CIB2: variants seen among roughly 807,000 people sequenced by gnomAD.
CIB2 encodes calcium and integrin-binding family member 2.
CIB2 carries 19 observed loss-of-function variants against 23.1 expected under a neutral mutation model. That is an observed-to-expected ratio of 0.82 (90% CI 0.57 to 1.21). The LOEUF (loss-of-function observed/expected upper bound fraction) is 1.21. CIB2 is among the 50% of genes most tolerant of loss of function. The pLI is 0.00. For synonymous variants in CIB2, 94 were observed against 91.7 expected (o/e 1.03, Z -0.14); for missense variants, 220 against 241.5 (o/e 0.91, Z 0.59).
chr15:78,121,622 G>A (rs2074320428), intron 2 of CIB2, among the ~76,000 whole-genome samples: 1 of 152,108 alleles, frequency 6.6e-6, no homozygotes, highest in Admixed American at 6.5e-5. Flanking sequence ...TTTTATAAGG[G>A]GCTTCTCCCC....
chr15:78,116,917 AT>A (rs1252448417), intron 2 of CIB2, among the ~76,000 whole-genome samples: 2 of 150,298 alleles, frequency 1.3e-5, no homozygotes, highest in South Asian at 2.1e-4. Context: ...TGTTTCTATA[AT>A]TTTTTTTAAT....
chr15:78,105,124 A>C lies in CIB2; in HGVS notation c.*187T>G. 1.3e-6 allele frequency: 1 copy of C among 742,462 alleles called. No individual in the cohort carries two copies. Among genetic ancestry groups the C allele is most frequent in the Non-Finnish European group, 2.1e-6 (1 of 469,950 alleles). The allele number at this position is 742,462 out of a possible 1,614,324, so 46.0% of individuals were successfully genotyped here. On this transcript the variant is annotated 3_prime_UTR_variant, in exon 6 of 6. Coordinates refer to ENST00000258930, the MANE Select transcript of CIB2 (RefSeq NM_006383.4). ...GCTGGACCACAGCGGGGCTGTGGGA[A>C]GGGTCCTAACCTTCACAGGCCCCCT...
intron 5 of CIB2, 24 bp from the exon 6 acceptor site, chr15:78,105,356 G>A (rs2074050405): frequency 6.2e-7 from 1 of 1,613,690 alleles, no homozygotes; most frequent in African/African-American, 1.3e-5. Flanking sequence ...AAGGGCAAGA[G>A]AGGGTGAGAG....
chr15:78,110,970 G>T (rs2074149763), intron 3 of CIB2, among the ~76,000 whole-genome samples, 195 bp downstream of exon 3: 1 of 152,180 alleles, frequency 6.6e-6, no homozygotes, highest in South Asian at 2.1e-4. Flanking sequence ...CTGATGTACA[G>T]CACCCTTACA....
chr15:78,108,765 T>C (rs1450669318), intron 4 of CIB2, among the ~76,000 whole-genome samples: 1 of 152,214 alleles, frequency 6.6e-6, no homozygotes, highest in Non-Finnish European at 1.5e-5. Context: ...TCTGGATCAC[T>C]AGGTCCAAAC....
At chr15:78,110,774 T>C (rs2074147051) in intron 3 of CIB2, 1 of 458,582 alleles carries the variant, frequency 2.2e-6, no homozygotes, top group African/African-American at 2.0e-5. Flanking sequence ...TACGTTAAAG[T>C]CTGAGAAATG....
intron 2 of CIB2, among the ~76,000 whole-genome samples, chr15:78,122,331 T>A (rs2074331279): frequency 6.6e-6 from 1 of 152,138 alleles, no homozygotes. Flanking sequence ...AAGGGGCTTT[T>A]GTTGCCAGAA....
intron 3 of CIB2, chr15:78,109,639 G>A: frequency 5.8e-6 from 3 of 514,548 alleles, no homozygotes; most frequent in South Asian, 2.0e-5. Context: ...ACTGGGTCAT[G>A]TCACATCATT....
chr15:78,126,833 T>C (rs950507291), intron 1 of CIB2, among the ~76,000 whole-genome samples: 2 of 152,248 alleles, frequency 1.3e-5, no homozygotes, highest in Non-Finnish European at 2.9e-5. Flanking sequence ...TCACTTTTTC[T>C]TCTGTTCACT....
chr15:78,109,304 C>T lies in CIB2; in HGVS notation c.277G>A (p.Asp93Asn), dbSNP rs1161101217. 1.2e-6 allele frequency: 2 copies of T among 1,613,412 alleles called. No individual in the cohort carries two copies. The highest frequency in any genetic ancestry group is 8.5e-7 in the Non-Finnish European group (1 of 1,179,722). ...GACTCGCAGAGCACGGAAAACATGT[C>T]CACAAAGTCGTTGAAAGTGAGGTTC... ...EGNLTFNDFVDMFSVLCESAP... is the reference protein window; with the variant it reads ...EGNLTFNDFVNMFSVLCESAP... The change falls in exon 4 of 6, where the codon GAC becomes AAC. Residue 93 changes from aspartate to asparagine, a missense_variant. Asp to Asn is a conservative substitution (Grantham distance 23, BLOSUM62 1). Transcript: ENST00000258930.
At chr15:78,111,775 G>A (rs1195253415) in intron 2 of CIB2, among the ~76,000 whole-genome samples, 1 of 152,148 alleles carries the variant, frequency 6.6e-6, no homozygotes, top group Non-Finnish European at 1.5e-5. Context: ...CAAGGGCCAT[G>A]GGTTGAGCCC....
intron 1 of CIB2, among the ~76,000 whole-genome samples, chr15:78,129,939 C>T (rs781305072): frequency 7.9e-5 from 12 of 152,204 alleles, no homozygotes; most frequent in Non-Finnish European, 1.3e-4. Context: ...TCCATAAATG[C>T]GTCTCCCCTC....
At chr15:78,105,514 G>A in intron 5 of CIB2, 182 bp from the exon 6 acceptor site, 2 of 1,488,882 alleles carry the variant, frequency 1.3e-6, no homozygotes, top group East Asian at 4.9e-5. Flanking sequence ...TGCCCAGGGA[G>A]TTCTGCCCCC....
chr15:78,125,412 C>G (rs748728369), intron 1 of CIB2, among the ~76,000 whole-genome samples: 1 of 152,094 alleles, frequency 6.6e-6, no homozygotes, highest in East Asian at 1.9e-4. Context: ...CTCTTCCCCC[C>G]GATCTGTCCT....
At chr15:78,120,499 T>C (rs1392713534) in intron 2 of CIB2, 38 of 965,464 alleles carry the variant, frequency 3.9e-5, no homozygotes, top group African/African-American at 5.3e-5. Flanking sequence ...GGACAAGGAC[T>C]ACTGTCCCGC....
rs141063235 is a variant in CIB2 at position 78,126,148 on chromosome 15, C to CT, written c.52-2410_52-2409insA. Among the ~76,000 whole-genome samples the CT allele has an allele frequency of 7.4e-5, 11 of 149,240 alleles. No individual in the cohort carries two copies. In the South Asian group the frequency reaches 1.1e-3, roughly 14 times the overall value. ...GTGCTTCCCTTTCCCCTGCCCCCCC[C>CT]CCTTTTTTTTTTGAGACGGAGTCTT... On this transcript the variant is annotated intron_variant, in intron 1 of 5. Transcript: ENST00000258930.
At chr15:78,125,916 C>G (rs1377997220) in intron 1 of CIB2, among the ~76,000 whole-genome samples, 2 of 152,140 alleles carry the variant, frequency 1.3e-5, no homozygotes, top group Non-Finnish European at 2.9e-5. Context: ...GGCTGAAAAC[C>G]ACATCACAAC....
At chr15:78,129,817 C>T (rs2074430485) in intron 1 of CIB2, among the ~76,000 whole-genome samples, 1 of 152,230 alleles carries the variant, frequency 6.6e-6, no homozygotes, top group Non-Finnish European at 1.5e-5. Flanking sequence ...AATGGCTCCT[C>T]AGCCTCTGTT....
intron 2 of CIB2, chr15:78,120,609 C>G: frequency 2.0e-6 from 2 of 984,476 alleles, no homozygotes; most frequent in Non-Finnish European, 2.4e-6. Context: ...GCTGCCCACT[C>G]GGCCTCAATG....
Sources: allele counts gnomAD v4.1 joint callset (sites outside exome capture counted in the v4.1 genomes callset), GRCh38; gene constraint gnomAD v4.1.1; transcripts MANE v1.5; gene names NCBI Gene and HGNC (gene_info 2026-07-23, HGNC 2026-07-21).